The following SRD5A1 variants were observed in gnomAD, a reference collection of about 807,000 sequenced individuals.
SRD5A1 encodes the protein 3-oxo-5-alpha-steroid 4-dehydrogenase 1.
Under a neutral mutation model 28.2 loss-of-function variants are expected in SRD5A1, and 22 were observed. The observed-to-expected ratio is 0.78, with a 90% CI of 0.56 to 1.12. The LOEUF is 1.12. SRD5A1 is among the 50% of genes most tolerant of loss of function. The probability of loss-of-function intolerance (pLI) is 0.00; values close to 1 mark genes in which losing one functional copy is unlikely to be tolerated. For synonymous variants in SRD5A1, 151 were observed against 135.0 expected, an observed-to-expected ratio of 1.12 and a Z score of -0.82; for missense variants, 300 against 346.7, an observed-to-expected ratio of 0.87 and a Z score of 1.07.
At chr5:6,662,457 C>T (rs1739035850) in intron 3 of SRD5A1, among the ~76,000 whole-genome samples, 1 of 152,224 alleles carries the variant, frequency 6.6e-6, no homozygotes. Context: ...AAATGAATAT[C>T]TTTGTCCCTC....
chr5:6,655,929 T>A, intron 2 of SRD5A1, 149 bp from the exon 3 acceptor site: 1 of 626,988 alleles, frequency 1.6e-6, no homozygotes. Context: ...CAACAGTCCT[T>A]AATGGTTTTT....
chr5:6,638,672 A>G (rs1030664929), intron 1 of SRD5A1, among the ~76,000 whole-genome samples: 2 of 152,272 alleles, frequency 1.3e-5, no homozygotes, highest in African/African-American at 4.8e-5. Context: ...CCCTTGCCTC[A>G]TAGATTGGAA....
At chr5:6,643,818 G>A (rs990190877) in intron 1 of SRD5A1, among the ~76,000 whole-genome samples, 1 of 151,954 alleles carries the variant, frequency 6.6e-6, no homozygotes, top group African/African-American at 2.4e-5. Context: ...CCTTTGTTTT[G>A]TGAAGAAATC....
At chr5:6,640,441 C>T (rs1738326815) in intron 1 of SRD5A1, among the ~76,000 whole-genome samples, 1 of 152,316 alleles carries the variant, frequency 6.6e-6, no homozygotes, top group South Asian at 2.1e-4. Context: ...CATCATCAAA[C>T]ATGTCTCCCA....
At chr5:6,652,200 G>A (rs1738699197) in intron 2 of SRD5A1, among the ~76,000 whole-genome samples, 192 bp downstream of exon 2, 1 of 152,236 alleles carries the variant, frequency 6.6e-6, no homozygotes, top group African/African-American at 2.4e-5. Flanking sequence ...TGACGCAGGT[G>A]CTGGGCACCT....
At chr5:6,658,761 TA>T (rs561995788) in intron 3 of SRD5A1, among the ~76,000 whole-genome samples, 27 of 145,768 alleles carry the variant, frequency 1.9e-4, no homozygotes, top group Admixed American at 1.4e-4. Flanking sequence ...TCTAATCATT[TA>T]AAAAAAAAAA....
At chr5:6,651,795 T>C in intron 1 of SRD5A1, 47 bp from the exon 2 acceptor site, 1 of 1,521,976 alleles carries the variant, frequency 6.6e-7, no homozygotes, top group East Asian at 2.3e-5. Flanking sequence ...ACAGAAATGA[T>C]TATCTTTAAT....
intron 1 of SRD5A1, among the ~76,000 whole-genome samples, chr5:6,644,109 C>G (rs1267299360): frequency 6.6e-6 from 1 of 152,198 alleles, no homozygotes; most frequent in African/African-American, 2.4e-5. Flanking sequence ...CTGGGAGTTG[C>G]TTCTCTCACA....
In SRD5A1 at chr5:6,669,919, G is replaced by A. The variant is rs1739311993; in HGVS notation, c.*1651G>A. 1 of 152,700 alleles carries A rather than the reference G, an allele frequency of 6.5e-6. No homozygotes were observed. The highest frequency in any genetic ancestry group is 2.1e-4 in the South Asian group (1 of 4,824). The allele number at this position is 152,700 out of a possible 1,614,324, so 9.5% of individuals were successfully genotyped here. ...CAGCACGGGTGGAGATGGGCCTGAT[G>A]TGGCAGAGCAGAGAGGCCATGACAG... On this transcript the variant is annotated 3_prime_UTR_variant, in exon 5 of 5. Transcript: ENST00000274192.
In SRD5A1 at chr5:6,633,514, C is replaced by A; in HGVS notation, c.-63C>A. 2 of 1,394,750 alleles carry A rather than the reference C, an allele frequency of 1.4e-6. No homozygotes were observed. The highest frequency in any genetic ancestry group is 9.2e-7 in the Non-Finnish European group (1 of 1,083,478). The allele number at this position is 1,394,750 out of a possible 1,614,324, so 86.4% of individuals were successfully genotyped here. ...GTAGCCGCCCCTCCTGCCCCCGCGC[C>A]GCCGCCCTATATGTTGCCCGCCGCG... is the stretch of plus-strand genomic sequence containing the variant. On this transcript the variant is annotated 5_prime_UTR_variant, in exon 1 of 5. Transcript: ENST00000274192.
chr5:6,641,074 C>T (rs8192161), intron 1 of SRD5A1, among the ~76,000 whole-genome samples: 2,382 of 152,214 alleles, frequency 0.016, 93 homozygotes, highest in African/African-American at 0.054. Flanking sequence ...TAGTCTGGGC[C>T]GCAGACTGAT....
intron 1 of SRD5A1, among the ~76,000 whole-genome samples, chr5:6,650,440 T>C (rs1226589955): frequency 6.6e-6 from 1 of 151,644 alleles, no homozygotes; most frequent in East Asian, 1.9e-4. Context: ...TTCCTTATTA[T>C]CCTCTTAAGG....
intron 1 of SRD5A1, among the ~76,000 whole-genome samples, chr5:6,643,549 C>T (rs248806): frequency 0.57 from 85,828 of 151,896 alleles, 24,748 homozygotes; most frequent in African/African-American, 0.67. Flanking sequence ...CTTGGCCTCC[C>T]GAAGTGCTGG....
At chr5:6,663,019 T>C (rs1739057918) in intron 4 of SRD5A1, 53 bp downstream of exon 4, 1 of 1,589,094 alleles carries the variant, frequency 6.3e-7, no homozygotes, top group South Asian at 1.1e-5. Context: ...ACTATATTAT[T>C]ACCATTTTTC....
rs1739421533 is a variant in SRD5A1 at position 6,673,531 on chromosome 5, T to A, written c.*5263T>A. The A allele has an allele frequency of 6.6e-6, 1 of 152,184 alleles. No individual in the cohort carries two copies. The highest frequency in any genetic ancestry group is 1.5e-5 in the Non-Finnish European group (1 of 68,034). 9.4% of individuals were successfully genotyped at this position (152,184 alleles called of 1,614,324 possible). ...TTGGGAAGACAGTCTGGCAGATTCC[T>A]AAAAAGGTAAACATACTCTTACTAA... On this transcript the variant is annotated 3_prime_UTR_variant, in exon 5 of 5. Coordinates refer to ENST00000274192, the MANE Select transcript of SRD5A1 (RefSeq NM_001047.4).
chr5:6,667,096 G>A lies in SRD5A1; in HGVS notation c.714-1106G>A, dbSNP rs181220331. Reference sequence around the variant, plus strand: ...CCTTCAGCCTCTAACCAGCGAACATGTTTGCAATGCACTTTCGCAGGTTTG... The same window carrying A: ...CCTTCAGCCTCTAACCAGCGAACATATTTGCAATGCACTTTCGCAGGTTTG... On this transcript the variant is annotated intron_variant, in intron 4 of 4. Coordinates refer to ENST00000274192, the MANE Select transcript of SRD5A1 (RefSeq NM_001047.4). Among the ~76,000 whole-genome samples, 177 of 152,366 alleles carry A rather than the reference G, an allele frequency of 1.2e-3. 2 individuals carry two copies. The highest frequency in any genetic ancestry group is 4.0e-3 in the African/African-American group (165 of 41,598).
At chr5:6,634,021 G>T (rs1365571973) in intron 1 of SRD5A1, 152 bp downstream of exon 1, 3 of 800,486 alleles carry the variant, frequency 3.7e-6, no homozygotes, top group Non-Finnish European at 5.8e-6. Context: ...CATCTGCACG[G>T]GTGCCCTTCC....
In SRD5A1 at chr5:6,633,639, C is replaced by T. The variant is rs764440015; in HGVS notation, c.63C>T (p.Cys21=). The change falls in exon 1 of 5, where the codon TGC becomes TGT. Residue 21 remains cysteine, a synonymous_variant. Transcript: ENST00000274192. ...RLLAALAYLQ[C]AVGCAVFARN... is the part of the protein sequence containing the mutation. Reference sequence around the variant, plus strand: ...TGGCCGCGCTCGCCTACCTGCAGTGCGCCGTGGGCTGCGCGGTCTTCGCGC... The same window carrying T: ...TGGCCGCGCTCGCCTACCTGCAGTGTGCCGTGGGCTGCGCGGTCTTCGCGC... The T allele has an allele frequency of 7.1e-6, 11 of 1,554,142 alleles. No individual in the cohort carries two copies. The East Asian group carries it at 2.1e-4, about 30-fold the overall frequency.
chr5:6,638,971 G>T (rs1162331620), intron 1 of SRD5A1, among the ~76,000 whole-genome samples: 1 of 152,184 alleles, frequency 6.6e-6, no homozygotes, highest in Non-Finnish European at 1.5e-5. Flanking sequence ...AATCCACCAT[G>T]ACCTAAATTA....
Sources: gnomAD v4.1 joint callset for allele counts (sites outside exome capture counted in the v4.1 genomes callset) on GRCh38, gnomAD v4.1.1 for gene constraint, MANE v1.5 for transcripts, NCBI Gene and HGNC (gene_info 2026-07-23, HGNC 2026-07-21) for gene names.